The following PPFIBP1 variants were observed in gnomAD, a reference collection of about 807,000 sequenced individuals.
PPFIBP1 encodes PPFIB scaffold protein 1.
In PPFIBP1, 112 loss-of-function variants were observed where a neutral mutation model predicts 137.8. That is an observed-to-expected ratio of 0.81 (90% CI 0.70 to 0.95). The LOEUF (loss-of-function observed/expected upper bound fraction) is 0.95. PPFIBP1 is among the 40% of genes least tolerant of loss of function. The pLI is 0.00. For missense variants in PPFIBP1, 1,083 were observed against 1,196.6 expected (o/e 0.91, Z 1.40); for synonymous variants, 378 against 417.3 (o/e 0.91, Z 1.15).
At chr12:27,542,136 G>A (rs1456109841) in intron 1 of PPFIBP1, among the ~76,000 whole-genome samples, 1 of 152,074 alleles carries the variant, frequency 6.6e-6, no homozygotes, top group Non-Finnish European at 1.5e-5. Context: ...TCAACCAATA[G>A]CAGATGGAAA....
At chr12:27,649,819 TG>T (rs1356573939) in intron 6 of PPFIBP1, among the ~76,000 whole-genome samples, 190 bp from the exon 7 acceptor site, 1 of 152,236 alleles carries the variant, frequency 6.6e-6, no homozygotes, top group African/African-American at 2.4e-5. Flanking sequence ...CCCAAAGTGC[TG>T]GGATTACAGG....
At chr12:27,648,870 G>A (rs1161618099) in intron 6 of PPFIBP1, among the ~76,000 whole-genome samples, 1 of 152,168 alleles carries the variant, frequency 6.6e-6, no homozygotes, top group Non-Finnish European at 1.5e-5. Context: ...GGGATGAAGG[G>A]AGAGGTGGAG....
At chr12:27,628,370 G>A (rs375851663) in intron 2 of PPFIBP1, among the ~76,000 whole-genome samples, 1 of 152,052 alleles carries the variant, frequency 6.6e-6, no homozygotes, top group Non-Finnish European at 1.5e-5. Context: ...GTAGAGACAG[G>A]GTCTCACTAT....
At chr12:27,559,178 AT>A (rs34459684) in intron 1 of PPFIBP1, among the ~76,000 whole-genome samples, 87,265 of 145,742 alleles carry the variant, frequency 0.6, 27,415 homozygotes, top group Middle Eastern at 0.84. Flanking sequence ...CTTAATAGTG[AT>A]TTTTTTTTTT....
At chr12:27,540,043 A>C (rs1945474883) in intron 1 of PPFIBP1, among the ~76,000 whole-genome samples, 2 of 151,644 alleles carry the variant, frequency 1.3e-5, no homozygotes. Flanking sequence ...TTGTAAAAAT[A>C]TAAAATATAG....
At chr12:27,590,729 G>C (rs1414392299) in intron 2 of PPFIBP1, among the ~76,000 whole-genome samples, 1 of 152,174 alleles carries the variant, frequency 6.6e-6, no homozygotes, top group East Asian at 1.9e-4. Flanking sequence ...GAAATGGGGA[G>C]GGAAATCCCT....
chr12:27,649,614 G>A (rs1249952343), intron 6 of PPFIBP1, among the ~76,000 whole-genome samples: 2 of 151,958 alleles, frequency 1.3e-5, no homozygotes, highest in East Asian at 1.9e-4. Flanking sequence ...GCAATGGTGC[G>A]ATCTCCGCTC....
At chr12:27,677,566 G>A (rs2140300426) in intron 19 of PPFIBP1, 1 of 157,556 alleles carries the variant, frequency 6.3e-6, no homozygotes, top group South Asian at 2.0e-4. Context: ...ACTTCTCTTA[G>A]GGGAACATTC....
chr12:27,593,841 T>G, intron 2 of PPFIBP1: 2 of 1,381,972 alleles, frequency 1.4e-6, no homozygotes, highest in Non-Finnish European at 1.9e-6. Flanking sequence ...ATGTGTTTCC[T>G]TATCCTTTCA....
At chr12:27,540,192 G>T (rs1468547738) in intron 1 of PPFIBP1, among the ~76,000 whole-genome samples, 1 of 151,560 alleles carries the variant, frequency 6.6e-6, no homozygotes, top group Non-Finnish European at 1.5e-5. Context: ...CATGTAGTAG[G>T]ATTATAGGCA....
intron 1 of PPFIBP1, among the ~76,000 whole-genome samples, chr12:27,550,679 C>T (rs182255483): frequency 3.7e-4 from 56 of 152,228 alleles, no homozygotes; most frequent in African/African-American, 1.3e-3. Flanking sequence ...AAGACACATT[C>T]CAATATTGGA....
chr12:27,633,293 G>A (rs2057387896), intron 2 of PPFIBP1, 69 bp from the exon 3 acceptor site: 6 of 1,029,958 alleles, frequency 5.8e-6, no homozygotes. Context: ...TCATTTGAAG[G>A]TGAATTAGAA....
At chr12:27,652,809 T>C (rs930278373) in intron 7 of PPFIBP1, among the ~76,000 whole-genome samples, 1 of 152,216 alleles carries the variant, frequency 6.6e-6, no homozygotes, top group Non-Finnish European at 1.5e-5. Flanking sequence ...ATCATATTGA[T>C]GAATATCACT....
intron 1 of PPFIBP1, among the ~76,000 whole-genome samples, chr12:27,553,049 C>T (rs1295023706): frequency 6.6e-6 from 1 of 151,994 alleles, no homozygotes; most frequent in African/African-American, 2.4e-5. Context: ...AGGAAGTGCA[C>T]GCAGAGGCCT....
intron 24 of PPFIBP1, among the ~76,000 whole-genome samples, 175 bp downstream of exon 24, chr12:27,682,878 GGTGATT>G (rs2060960927): frequency 6.6e-6 from 1 of 152,160 alleles, no homozygotes; most frequent in Non-Finnish European, 1.5e-5. Context: ...TGTAGCATTT[GGTGATT>G]GTGATTGAAC....
At position 27,635,066 on chromosome 12, in the gene PPFIBP1, T is replaced by A; in HGVS notation, c.221T>A (p.Ile74Asn). The change falls in exon 4 of 30, where the codon ATC (isoleucine) becomes AAC (asparagine). Residue 74 changes from isoleucine to asparagine, a missense_variant. Coordinates refer to ENST00000228425, the MANE Select transcript of PPFIBP1 (RefSeq NM_003622.4). Reference sequence around the variant, plus strand: ...GAGAAAGAAGGCTTGAGATGCCAGATCCCAGATTCAACAGCAGAAACGCTT... The same window carrying A: ...GAGAAAGAAGGCTTGAGATGCCAGAACCCAGATTCAACAGCAGAAACGCTT... The part of the protein sequence containing the change: ...TDEKEGLRCQ[I>N]PDSTAETLVE... 1 of 1,614,192 alleles carries A rather than the reference T, an allele frequency of 6.2e-7. No individual in the cohort carries two copies. Among genetic ancestry groups the A allele is most frequent in the Non-Finnish European group, 8.5e-7 (1 of 1,180,016 alleles).
intron 6 of PPFIBP1, among the ~76,000 whole-genome samples, chr12:27,648,575 G>A (rs1397613164): frequency 6.6e-6 from 1 of 152,130 alleles, no homozygotes; most frequent in African/African-American, 2.4e-5. Context: ...TCTGTTCACA[G>A]CCACCAAGAT....
chr12:27,603,011 T>C (rs1365918250), intron 2 of PPFIBP1, among the ~76,000 whole-genome samples: 1 of 152,192 alleles, frequency 6.6e-6, no homozygotes, highest in Non-Finnish European at 1.5e-5. Context: ...CTGCCAAACA[T>C]ACAGCCTTTC....
intron 1 of PPFIBP1, among the ~76,000 whole-genome samples, chr12:27,541,033 T>C (rs1283871864): frequency 6.6e-6 from 1 of 152,222 alleles, no homozygotes; most frequent in Non-Finnish European, 1.5e-5. Context: ...TGCAGGCTAA[T>C]CTATTGATTG....
Sources: gnomAD v4.1 joint callset for allele counts (sites outside exome capture counted in the v4.1 genomes callset) on GRCh38, gnomAD v4.1.1 for gene constraint, MANE v1.5 for transcripts, NCBI Gene and HGNC (gene_info 2026-07-23, HGNC 2026-07-21) for gene names.